Variants in TRAPPC9 observed in about 807,000 individuals in gnomAD.
The protein encoded by TRAPPC9 is trafficking protein particle complex subunit 9, also known as IKK2 binding protein.
TRAPPC9 carries 83 observed loss-of-function variants against 124.0 expected under a neutral mutation model. The ratio of observed to expected loss-of-function variants is 0.67; its 90% confidence interval spans 0.56 to 0.80. The LOEUF is 0.80. Ranked by LOEUF, TRAPPC9 falls within the 30% of genes least tolerant of loss-of-function variation. The pLI is 0.00. For missense variants in TRAPPC9, 1,302 were observed against 1,508.3 expected, an observed-to-expected ratio of 0.86 and a Z score of 2.27; for synonymous variants, 638 against 617.5, an observed-to-expected ratio of 1.03 and a Z score of -0.49.
At chr8:140,370,241 G>A (rs2068242929) in intron 8 of TRAPPC9, among the ~76,000 whole-genome samples, 1 of 151,956 alleles carries the variant, frequency 6.6e-6, no homozygotes, top group African/African-American at 2.4e-5. Context: ...CCAGGTTCAA[G>A]TAATTCTCTT....
intron 21 of TRAPPC9, among the ~76,000 whole-genome samples, chr8:139,735,710 TG>T (rs1818117557): frequency 6.6e-6 from 1 of 151,986 alleles, no homozygotes; most frequent in Non-Finnish European, 1.5e-5. Flanking sequence ...TGTGGGCTGC[TG>T]GGGCAGCAGA....
intron 19 of TRAPPC9, among the ~76,000 whole-genome samples, chr8:139,953,375 C>A (rs912819311): frequency 2.6e-5 from 4 of 152,174 alleles, no homozygotes; most frequent in Admixed American, 1.3e-4. Flanking sequence ...CACCTATAAT[C>A]TCAGCTACTC....
At chr8:139,884,498 A>G (rs1245010510) in intron 21 of TRAPPC9, among the ~76,000 whole-genome samples, 1 of 152,138 alleles carries the variant, frequency 6.6e-6, no homozygotes, top group Non-Finnish European at 1.5e-5. Flanking sequence ...CATTTGCCCC[A>G]TGAAAGTCCT....
chr8:139,821,169 G>GA (rs1261174305), intron 21 of TRAPPC9, among the ~76,000 whole-genome samples: 1 of 152,252 alleles, frequency 6.6e-6, no homozygotes, highest in Non-Finnish European at 1.5e-5. Flanking sequence ...CAGAGAACGT[G>GA]AACAGGGCAT....
At chr8:139,743,472 T>C (rs1818691189) in intron 21 of TRAPPC9, among the ~76,000 whole-genome samples, 1 of 152,240 alleles carries the variant, frequency 6.6e-6, no homozygotes, top group African/African-American at 2.4e-5. Context: ...TAAGGCTCTA[T>C]CCAGCCTGCC....
chr8:140,118,507 A>G (rs4736139), intron 17 of TRAPPC9, among the ~76,000 whole-genome samples: 79,573 of 152,080 alleles, frequency 0.52, 22,087 homozygotes, highest in African/African-American at 0.71. Context: ...GGGAACTGTC[A>G]TCTGTGCACA....
At chr8:140,384,656 C>T (rs1284429695) in intron 7 of TRAPPC9, among the ~76,000 whole-genome samples, 1 of 152,176 alleles carries the variant, frequency 6.6e-6, no homozygotes, top group Non-Finnish European at 1.5e-5. Flanking sequence ...CAGGAGCATC[C>T]AGATTCATAA....
intron 17 of TRAPPC9, among the ~76,000 whole-genome samples, chr8:140,076,084 G>A (rs778587353): frequency 2.0e-5 from 3 of 152,172 alleles, no homozygotes; most frequent in Non-Finnish European, 4.4e-5. Context: ...GTGCTATCAC[G>A]ATCCCCATTT....
chr8:139,807,557 CACAGGAGCCG>C (rs1165620646), intron 21 of TRAPPC9, among the ~76,000 whole-genome samples: 3 of 152,180 alleles, frequency 2.0e-5, no homozygotes, highest in South Asian at 2.1e-4. Context: ...CAATGAACAG[CACAGGAGCCG>C]ACAGGAGACG....
chr8:139,972,680 A>G (rs1836179158), intron 19 of TRAPPC9, among the ~76,000 whole-genome samples: 1 of 152,214 alleles, frequency 6.6e-6, no homozygotes, highest in Admixed American at 6.5e-5. Context: ...TGCTGTGGCC[A>G]AAGTATGTTT....
At chr8:139,836,694 G>A (rs1302043093) in intron 21 of TRAPPC9, among the ~76,000 whole-genome samples, 1 of 152,244 alleles carries the variant, frequency 6.6e-6, no homozygotes, top group Non-Finnish European at 1.5e-5. Flanking sequence ...ATTCCCAGGA[G>A]CAGACACCAA....
chr8:139,880,165 C>T (rs1009535734), intron 21 of TRAPPC9, among the ~76,000 whole-genome samples: 13 of 152,198 alleles, frequency 8.5e-5, no homozygotes, highest in African/African-American at 3.1e-4. Context: ...GGAAGAGATG[C>T]CATTCAACTC....
chr8:139,932,006 A>AT (rs1239300471), intron 19 of TRAPPC9: 4 of 244,156 alleles, frequency 1.6e-5, no homozygotes, highest in African/African-American at 6.8e-5. Context: ...TTATGCTTCA[A>AT]TTTTTTCCCT....
chr8:140,003,557 G>A (rs1489417049), intron 18 of TRAPPC9, among the ~76,000 whole-genome samples: 2 of 143,402 alleles, frequency 1.4e-5, no homozygotes, highest in Admixed American at 7.2e-5. Context: ...AGATGAGATC[G>A]CACCACTGTA....
chr8:140,153,568 G>A (rs950719869), intron 17 of TRAPPC9, among the ~76,000 whole-genome samples: 1 of 151,836 alleles, frequency 6.6e-6, no homozygotes, highest in African/African-American at 2.4e-5. Flanking sequence ...TTCGTTAAAG[G>A]CATTGTCTCT....
At chr8:140,169,605 G>A (rs766624363) in intron 17 of TRAPPC9, among the ~76,000 whole-genome samples, 10 of 152,188 alleles carry the variant, frequency 6.6e-5, no homozygotes, top group South Asian at 4.1e-4. Context: ...AAGGAAGGAA[G>A]CACTGATGCT....
chr8:139,923,668 G>A (rs186585243), intron 19 of TRAPPC9, among the ~76,000 whole-genome samples: 10 of 152,344 alleles, frequency 6.6e-5, no homozygotes, highest in East Asian at 1.9e-4. Context: ...TCAGAAGAGC[G>A]GAGACAGAAG....
At chr8:140,250,814 T>C (rs2131494922) in intron 16 of TRAPPC9, among the ~76,000 whole-genome samples, 1 of 152,316 alleles carries the variant, frequency 6.6e-6, no homozygotes, top group South Asian at 2.1e-4. Flanking sequence ...CTACGTGCCA[T>C]GACCAGCAAT....
chr8:140,156,626 G>A (rs2061635048), intron 17 of TRAPPC9, among the ~76,000 whole-genome samples: 1 of 152,216 alleles, frequency 6.6e-6, no homozygotes, highest in African/African-American at 2.4e-5. Flanking sequence ...TGAAGCAGTG[G>A]AGCTCCAGCC....
Sources: gnomAD v4.1 joint callset for allele counts (sites outside exome capture counted in the v4.1 genomes callset) on GRCh38, gnomAD v4.1.1 for gene constraint, MANE v1.5 for transcripts, NCBI Gene and HGNC (gene_info 2026-07-23, HGNC 2026-07-21) for gene names.